The following FRMD3 variants were observed in gnomAD, a reference collection of about 807,000 sequenced individuals.
FRMD3 encodes the protein FERM domain-containing protein 3.
In FRMD3, 33 loss-of-function variants were observed where a neutral mutation model predicts 70.2. The observed-to-expected ratio is 0.47, with a 90% CI of 0.36 to 0.63. FRMD3 has a LOEUF of 0.63. FRMD3 is among the 20% of genes least tolerant of loss of function. FRMD3 has a pLI of 0.00. For missense variants in FRMD3, 632 were observed against 711.4 expected, an observed-to-expected ratio of 0.89 and a Z score of 1.27; for synonymous variants, 279 against 255.9, an observed-to-expected ratio of 1.09 and a Z score of -0.86.
the FRMD3 span, among the ~76,000 whole-genome samples, chr9:83,546,893 A>AAAAAAAAAAAAAAG: frequency 6.7e-4 from 101 of 150,238 alleles, no homozygotes; most frequent in Non-Finnish European, 9.8e-4. Flanking sequence ...TCTGTCTCAA[A>AAAAAAAAAAAAAAG]AAAAAAAAAA....
chr9:83,458,199 G>C (rs910042989), intron 1 of FRMD3, among the ~76,000 whole-genome samples: 2 of 152,162 alleles, frequency 1.3e-5, no homozygotes, highest in African/African-American at 4.8e-5. Context: ...TAGATGATAA[G>C]TGGCTTTTCC....
At chr9:83,352,833 C>T (rs1159094497) in intron 3 of FRMD3, among the ~76,000 whole-genome samples, 2 of 152,148 alleles carry the variant, frequency 1.3e-5, no homozygotes, top group African/African-American at 4.8e-5. Flanking sequence ...TGTTGATTTA[C>T]CCTGAGTTTA....
intron 7 of FRMD3, 73 bp from the exon 8 acceptor site, chr9:83,312,048 A>G: frequency 2.6e-6 from 3 of 1,144,484 alleles, no homozygotes; most frequent in Non-Finnish European, 3.7e-6. Context: ...TAACCAATAT[A>G]TTTATTCATC....
intron 3 of FRMD3, among the ~76,000 whole-genome samples, chr9:83,357,270 T>TGGA (rs1564032814): frequency 0.01 from 665 of 64,494 alleles, 188 homozygotes; most frequent in African/African-American, 0.058. Flanking sequence ...TATATATATA[T>TGGA]ATATATATAT....
At chr9:83,455,294 T>A (rs981092233) in intron 1 of FRMD3, among the ~76,000 whole-genome samples, 1 of 152,166 alleles carries the variant, frequency 6.6e-6, no homozygotes, top group Non-Finnish European at 1.5e-5. Flanking sequence ...TGTATATTGA[T>A]ATGGTTTGGC....
intron 3 of FRMD3, among the ~76,000 whole-genome samples, chr9:83,354,848 C>A (rs1824284373): frequency 6.6e-6 from 1 of 152,118 alleles, no homozygotes; most frequent in Non-Finnish European, 1.5e-5. Flanking sequence ...CCACTCCAAT[C>A]AAACCCATGA....
intron 1 of FRMD3, among the ~76,000 whole-genome samples, chr9:83,491,614 A>G (rs916021523): frequency 5.3e-4 from 80 of 152,150 alleles, no homozygotes; most frequent in African/African-American, 1.9e-3. Context: ...CTGCCACATC[A>G]GCAACTCCAC....
chr9:83,432,257 C>T (rs1199367956), intron 1 of FRMD3, among the ~76,000 whole-genome samples: 1 of 152,208 alleles, frequency 6.6e-6, no homozygotes, highest in African/African-American at 2.4e-5. Flanking sequence ...ATTTTAAGTG[C>T]AATCTCCTCC....
chr9:83,368,849 T>A (rs1414215238), intron 3 of FRMD3, among the ~76,000 whole-genome samples: 2 of 152,104 alleles, frequency 1.3e-5, no homozygotes, highest in South Asian at 4.1e-4. Flanking sequence ...GATCTACTTA[T>A]TCTATTTCTA....
the FRMD3 span, among the ~76,000 whole-genome samples, chr9:83,578,923 A>G: frequency 2.0e-5 from 3 of 152,052 alleles, no homozygotes; most frequent in Non-Finnish European, 2.9e-5. Context: ...GAAAATCCCA[A>G]AGATTCCACC....
At chr9:83,460,236 AGGCTTCTTCTT>A (rs1296651270) in intron 1 of FRMD3, among the ~76,000 whole-genome samples, 2 of 152,030 alleles carry the variant, frequency 1.3e-5, no homozygotes, top group Non-Finnish European at 2.9e-5. Flanking sequence ...CCTGCACATA[AGGCTTCTTCTT>A]GGGCCCTGCT....
intron 3 of FRMD3, among the ~76,000 whole-genome samples, chr9:83,362,991 C>T (rs1399898144): frequency 6.7e-6 from 1 of 149,714 alleles, no homozygotes; most frequent in African/African-American, 2.5e-5. Context: ...TCCTTCCTTT[C>T]TTCCTTCCTT....
chr9:83,388,466 C>T (rs908144178), intron 2 of FRMD3, among the ~76,000 whole-genome samples: 1 of 152,182 alleles, frequency 6.6e-6, no homozygotes, highest in Non-Finnish European at 1.5e-5. Context: ...GTGTACTGAG[C>T]CTCTGAGCAT....
chr9:83,573,043 A>C, the FRMD3 span, among the ~76,000 whole-genome samples: 1 of 151,360 alleles, frequency 6.6e-6, no homozygotes, highest in Admixed American at 6.6e-5. Context: ...ATGACGGAAG[A>C]ATGTGGACAA....
intron 1 of FRMD3, among the ~76,000 whole-genome samples, chr9:83,413,634 A>C (rs1029956235): frequency 2.0e-5 from 3 of 152,194 alleles, no homozygotes; most frequent in Non-Finnish European, 2.9e-5. Flanking sequence ...CTTGAGATTC[A>C]TGGTATTTAA....
chr9:83,373,642 C>CTGT, intron 2 of FRMD3, among the ~76,000 whole-genome samples: 1 of 151,418 alleles, frequency 6.6e-6, no homozygotes, highest in African/African-American at 2.4e-5. Flanking sequence ...ACAGCACATA[C>CTGT]AAAGATCACT....
chr9:83,333,012 G>A (rs1021758115), intron 6 of FRMD3, among the ~76,000 whole-genome samples: 11 of 152,190 alleles, frequency 7.2e-5, no homozygotes, highest in African/African-American at 1.4e-4. Flanking sequence ...TGTGTATGAA[G>A]GGGTGGTGGC....
chr9:83,270,700 A>G (rs1315274178), intron 13 of FRMD3, among the ~76,000 whole-genome samples: 1 of 152,186 alleles, frequency 6.6e-6, no homozygotes, highest in Non-Finnish European at 1.5e-5. Flanking sequence ...AAAAGCTTTC[A>G]TTTTACAGAT....
At chr9:83,341,757 G>A (rs985793003) in intron 5 of FRMD3, among the ~76,000 whole-genome samples, 2 of 152,118 alleles carry the variant, frequency 1.3e-5, no homozygotes, top group Non-Finnish European at 2.9e-5. Flanking sequence ...TGTCCAGGAT[G>A]AAGCTGTTCC....
Sources: gnomAD v4.1 joint callset for allele counts (sites outside exome capture counted in the v4.1 genomes callset) on GRCh38, gnomAD v4.1.1 for gene constraint, MANE v1.5 for transcripts, NCBI Gene and HGNC (gene_info 2026-07-23, HGNC 2026-07-21) for gene names.